PAICS: variants seen among roughly 807,000 people sequenced by gnomAD.
PAICS encodes phosphoribosylaminoimidazole carboxylase and phosphoribosylaminoimidazolesuccinocarboxamide synthase, also known as bifunctional phosphoribosylaminoimidazole carboxylase/phosphoribosylaminoimidazole succinocarboxamide synthetase.
PAICS carries 33 observed loss-of-function variants against 53.7 expected under a neutral mutation model. The observed-to-expected ratio is 0.61, with a 90% CI of 0.47 to 0.82. The LOEUF (loss-of-function observed/expected upper bound fraction) is 0.82. Ranked by LOEUF, PAICS falls within the 40% of genes least tolerant of loss-of-function variation. PAICS has a pLI of 0.00. For missense variants in PAICS, 394 were observed against 494.1 expected (o/e 0.80, Z 1.92); for synonymous variants, 141 against 167.2 (o/e 0.84, Z 1.21).
chr4:56,436,623 T>G, intron 1 of PAICS: 1 of 662,044 alleles, frequency 1.5e-6, no homozygotes, highest in Non-Finnish European at 2.8e-6. Flanking sequence ...TCAGTCTTGA[T>G]TCGTCAAAAC....
At chr4:56,425,287 A>G in the PAICS span, 1 of 162,124 alleles carries the variant, frequency 6.2e-6, no homozygotes, top group Non-Finnish European at 1.3e-5. Context: ...AATTTGTATA[A>G]TCTTAGCAGT....
chr4:56,436,331 G>A lies in PAICS; in HGVS notation c.16+3G>A, dbSNP rs938317507. The A allele has an allele frequency of 5.0e-6, 8 of 1,592,770 alleles. No individual in the cohort carries two copies. The African/African-American group carries it at 8.1e-5, about 16-fold the overall frequency. ...TAGGATAATGGCGACAGCTGAGGGT[G>A]AGTAACAGGGATCCGGGCCCTTCAC... is the stretch of plus-strand genomic sequence containing the variant. On this transcript the variant is annotated splice_donor_region_variant and intron_variant, in intron 1 of 8. Transcript: ENST00000512576.
the PAICS span, among the ~76,000 whole-genome samples, chr4:56,412,853 T>C: frequency 1.0e-3 from 154 of 152,314 alleles, no homozygotes; most frequent in African/African-American, 3.6e-3. Context: ...CTTTCCACAA[T>C]ACCACTAGTT....
At chr4:56,435,492 C>T (rs765989683), upstream of PAICS, 1 of 1,613,012 alleles carries the variant, frequency 6.2e-7, no homozygotes, top group Non-Finnish European at 8.5e-7. Flanking sequence ...CCGCCGAAAG[C>T]ACGTGGAAGG....
chr4:56,423,659 GT>G, the PAICS span, among the ~76,000 whole-genome samples: 4,062 of 147,302 alleles, frequency 0.028, 155 homozygotes, highest in East Asian at 0.2. Flanking sequence ...AAAAGTACAA[GT>G]TTTTTTTTTT....
chr4:56,411,722 C>T, the PAICS span, among the ~76,000 whole-genome samples: 2 of 152,120 alleles, frequency 1.3e-5, no homozygotes, highest in Non-Finnish European at 2.9e-5. Flanking sequence ...AAGTTATATG[C>T]GTTTAGTAAT....
At chr4:56,411,511 A>C in the PAICS span, among the ~76,000 whole-genome samples, 1 of 152,180 alleles carries the variant, frequency 6.6e-6, no homozygotes, top group Non-Finnish European at 1.5e-5. Flanking sequence ...GGGTTTCTTG[A>C]CGTGCTGTGT....
chr4:56,451,234 T>C (rs1718899353), intron 6 of PAICS: 1 of 152,960 alleles, frequency 6.5e-6, no homozygotes, highest in Non-Finnish European at 1.5e-5. Context: ...CCAGATCCTG[T>C]TGGGGAAACC....
At chr4:56,438,371 T>TTATATATATATATA (rs61681463) in intron 1 of PAICS, among the ~76,000 whole-genome samples, 1,270 of 113,132 alleles carry the variant, frequency 0.011, 18 homozygotes, top group Non-Finnish European at 0.017. Context: ...TGCAATGTGT[T>TTATATATATATATA]TATATATATA....
Position 56,461,209 on chromosome 4 carries a change from T to C in PAICS, c.*1671T>C, listed in dbSNP as rs1307251492. 6.6e-6 allele frequency: 1 copy of C among 152,238 alleles called. No homozygotes were observed. Among genetic ancestry groups the C allele is most frequent in the East Asian group, 1.9e-4 (1 of 5,204 alleles). The allele number at this position is 152,238 out of a possible 1,614,324, so 9.4% of individuals were successfully genotyped here. ...TTAGGTCCAGAATAGAAGATGTCAT[T>C]GTACACTTTATTTCCCTCACACTGT... On this transcript the variant is annotated 3_prime_UTR_variant, in exon 9 of 9. Coordinates refer to ENST00000512576, the MANE Select transcript of PAICS (RefSeq NM_001079524.2).
chr4:56,441,407 AC>A (rs3215284), intron 1 of PAICS, among the ~76,000 whole-genome samples: 12,628 of 151,956 alleles, frequency 0.083, 667 homozygotes, highest in East Asian at 0.27. Flanking sequence ...TAACTGCATG[AC>A]CCTCAACCCT....
chr4:56,421,999 TG>T, the PAICS span: 1 of 152,188 alleles, frequency 6.6e-6, no homozygotes, highest in Non-Finnish European at 1.5e-5. Context: ...GGCCAGGCGT[TG>T]TGGCTCATGC....
the PAICS span, among the ~76,000 whole-genome samples, chr4:56,418,094 C>A: frequency 2.4e-4 from 37 of 152,030 alleles, no homozygotes; most frequent in Non-Finnish European, 4.4e-4. Context: ...ACCTTGGCCA[C>A]CCAAAGTGCT....
chr4:56,437,772 G>C (rs1013316863), intron 1 of PAICS, among the ~76,000 whole-genome samples: 1 of 135,476 alleles, frequency 7.4e-6, no homozygotes, highest in African/African-American at 2.8e-5. Flanking sequence ...AGTGAGCCGG[G>C]ATCGCGCCAC....
At chr4:56,415,646 C>T in the PAICS span, among the ~76,000 whole-genome samples, 1 of 152,126 alleles carries the variant, frequency 6.6e-6, no homozygotes, top group East Asian at 1.9e-4. Context: ...GCTATTTGAT[C>T]ATACATGCCA....
At chr4:56,435,684 A>T (rs1047810894), upstream of PAICS, 5 of 1,452,006 alleles carry the variant, frequency 3.4e-6, no homozygotes, top group African/African-American at 4.2e-5. Flanking sequence ...CGAGTCCACC[A>T]ACGAGCGAGG....
At chr4:56,422,486 T>C in the PAICS span, 1 of 18,038 alleles carries the variant, frequency 5.5e-5, no homozygotes, top group Non-Finnish European at 1.5e-4. Context: ...TTTGTACGTG[T>C]GTGTGTGTGT....
chr4:56,436,037 G>C (rs1717914458), upstream of PAICS: 1 of 1,522,138 alleles, frequency 6.6e-7, no homozygotes, highest in South Asian at 1.2e-5. Context: ...CGCCTGTCCG[G>C]GCACTGCGCC....
the PAICS span, chr4:56,428,934 T>C: frequency 1.1e-6 from 1 of 926,852 alleles, no homozygotes; most frequent in Non-Finnish European, 1.3e-6. Context: ...TGTGTTTTTA[T>C]TTAAGAATTA....
Sources: gnomAD v4.1 joint callset for allele counts (sites outside exome capture counted in the v4.1 genomes callset) on GRCh38, gnomAD v4.1.1 for gene constraint, MANE v1.5 for transcripts, NCBI Gene and HGNC (gene_info 2026-07-23, HGNC 2026-07-21) for gene names.